The following MAVS variants were observed in gnomAD, a reference collection of about 807,000 sequenced individuals.
MAVS encodes mitochondrial antiviral-signaling protein.
A neutral mutation model predicts 30.2 loss-of-function variants in MAVS; 20 were observed. The observed-to-expected ratio is 0.66, with a 90% CI of 0.47 to 0.96. The LOEUF (loss-of-function observed/expected upper bound fraction) is 0.96, where lower values mean the gene tolerates loss of function less well. MAVS is among the 40% of genes least tolerant of loss of function. The probability of loss-of-function intolerance (pLI) is 0.00; values close to 1 mark genes in which losing one functional copy is unlikely to be tolerated. For missense variants in MAVS, 624 were observed against 701.1 expected (o/e 0.89, Z 1.24); for synonymous variants, 278 against 293.9 (o/e 0.95, Z 0.55).
In MAVS at chr20:3,866,190, G is replaced by A. The variant is rs779796036; in HGVS notation, c.*43G>A. The A allele has an allele frequency of 3.3e-6, 5 of 1,505,954 alleles. No individual in the cohort carries two copies. The highest frequency in any genetic ancestry group is 4.4e-6 in the Non-Finnish European group (5 of 1,126,532). The allele number at this position is 1,505,954 out of a possible 1,614,324, so 93.3% of individuals were successfully genotyped here. ...CCCACCACCCATCTGTTCCGTTCCT[G>A]CAGTACACCTGGCCCCTCTCCGAAG... On this transcript the variant is annotated 3_prime_UTR_variant, in exon 7 of 7. Coordinates refer to ENST00000428216, the MANE Select transcript of MAVS (RefSeq NM_020746.5).
At position 3,866,142 on chromosome 20, in the gene MAVS, C is replaced by T. The variant is rs768727689; in HGVS notation, c.1618C>T (p.His540Tyr). 1.3e-6 allele frequency: 2 copies of T among 1,583,220 alleles called. No homozygotes were observed. Among genetic ancestry groups the T allele is most frequent in the Non-Finnish European group, 1.7e-6 (2 of 1,167,254 alleles). Residue 540 changes from histidine to tyrosine, a missense_variant, in exon 7 of 7, where the codon CAC (histidine) becomes TAC (tyrosine). Transcript: ENST00000428216. Reference protein sequence around the residue: ...LLVVLYRRRLH With the variant: ...LLVVLYRRRLY ...GGTGGTGCTGTACCGGCGGCGTCTGCACTAGTGAAGCCCTGGGCTCTTCCC... is the reference window on the plus strand; with the variant it reads ...GGTGGTGCTGTACCGGCGGCGTCTGTACTAGTGAAGCCCTGGGCTCTTCCC...
At chr20:3,864,195 T>C in intron 5 of MAVS, 61 bp from the exon 6 acceptor site, 2 of 1,527,538 alleles carry the variant, frequency 1.3e-6, no homozygotes, top group Non-Finnish European at 1.8e-6. Context: ...GGGACCCTTC[T>C]CCAGGCCTCA....
chr20:3,850,880 C>T (rs376180832), intron 1 of MAVS, among the ~76,000 whole-genome samples: 1,575 of 133,244 alleles, frequency 0.012, 29 homozygotes, highest in African/African-American at 0.044. Context: ...AGCGAAACTC[C>T]GTCTCAAAAA....
At position 3,864,622 on chromosome 20, in the gene MAVS, A is replaced by G. The variant is rs752552262; in HGVS notation, c.992A>G (p.Lys331Arg). The change falls in exon 6 of 7, where the codon AAG (lysine) becomes AGG (arginine). Residue 331 changes from lysine to arginine, a missense_variant. Transcript: ENST00000428216. ...TVPSKLPTSS[K>R]PPGAVPSNAL... Reference sequence around the variant, plus strand: ...CCCTCCAAGTTGCCAACTAGCTCAAAGCCCCCTGGTGCAGTGCCTTCTAAT... The same window carrying G: ...CCCTCCAAGTTGCCAACTAGCTCAAGGCCCCCTGGTGCAGTGCCTTCTAAT... 8.1e-6 allele frequency: 13 copies of G among 1,614,182 alleles called. No homozygotes were observed. Among genetic ancestry groups the G allele is most frequent in the Non-Finnish European group, 1.0e-5 (12 of 1,180,026 alleles).
chr20:3,857,637 T>C lies in MAVS; in HGVS notation c.120T>C (p.Asp40=). Residue 40 remains aspartate (D), a splice_region_variant and synonymous_variant, in exon 3 of 7, where the codon GAT becomes GAC. Coordinates refer to ENST00000428216, the MANE Select transcript of MAVS (RefSeq NM_020746.5). ...GACAGTGGCATTGTGTCTTCCAGGA[T>C]CGACTGCGGGCCACCTGCACACTCT... ...YLPCLTARDQ[D]RLRATCTLSG... 1 of 1,609,490 alleles carries C rather than the reference T, an allele frequency of 6.2e-7. No homozygotes were observed. The highest frequency in any genetic ancestry group is 8.5e-7 in the Non-Finnish European group (1 of 1,177,070).
At chr20:3,848,211 G>A (rs992056823) in intron 1 of MAVS, among the ~76,000 whole-genome samples, 2 of 151,974 alleles carry the variant, frequency 1.3e-5, no homozygotes, top group Non-Finnish European at 2.9e-5. Context: ...AGATTCTCCT[G>A]CCTCAGCCTC....
intron 1 of MAVS, among the ~76,000 whole-genome samples, chr20:3,850,274 CAAAAAAAAAAAAA>C (rs71195864): frequency 2.2e-5 from 1 of 44,460 alleles, no homozygotes; most frequent in Non-Finnish European, 4.1e-5. Flanking sequence ...GAGACTGTCT[CAAAAAAAAAAAAA>C]AAAAAAAAAA....
rs903330317 is a variant in MAVS at position 3,856,867 on chromosome 20, C to T, written c.118-768C>T. Among the ~76,000 whole-genome samples, 5 of 151,994 alleles carry T rather than the reference C, an allele frequency of 3.3e-5. No individual in the cohort carries two copies. In the East Asian group the frequency reaches 7.8e-4, roughly 24 times the overall value. On this transcript the variant is annotated intron_variant, in intron 2 of 6. Coordinates refer to ENST00000428216, the MANE Select transcript of MAVS (RefSeq NM_020746.5). The stretch of plus-strand genomic sequence containing the variant: ...TGGCCAACATGGCGAAACCATGTCT[C>T]TACTAAAAATACAAAAAAATTAGCC...
chr20:3,853,177 T>C (rs1035070374), intron 1 of MAVS, among the ~76,000 whole-genome samples: 4 of 138,958 alleles, frequency 2.9e-5, no homozygotes, highest in Non-Finnish European at 6.2e-5. Flanking sequence ...AGTAATAAAA[T>C]AGGATGTTTA....
Position 3,864,795 on chromosome 20 carries a change from C to A in MAVS, c.1158+7C>A, listed in dbSNP as rs200561904. On this transcript the variant is annotated splice_region_variant and intron_variant, in intron 6 of 6. Coordinates refer to ENST00000428216, the MANE Select transcript of MAVS (RefSeq NM_020746.5). ...CGGGAGCAGCAGAAATGAGGTGAGT[C>A]CTCGCCCTTCCTGGCAGGGATCCTG... 2 of 1,609,468 alleles carry A rather than the reference C, an allele frequency of 1.2e-6. No homozygotes were observed. The highest frequency in any genetic ancestry group is 1.7e-6 in the Non-Finnish European group (2 of 1,177,232).
intron 5 of MAVS, 63 bp downstream of exon 5, chr20:3,862,476 G>C: frequency 6.6e-7 from 1 of 1,508,616 alleles, no homozygotes; most frequent in Admixed American, 2.1e-5. Flanking sequence ...AAGAATTAGA[G>C]TTGCCCCATC....
chr20:3,858,346 G>T (rs563513631), intron 3 of MAVS, among the ~76,000 whole-genome samples: 2 of 152,046 alleles, frequency 1.3e-5, no homozygotes, highest in Non-Finnish European at 2.9e-5. Flanking sequence ...GTGCTCGGAG[G>T]CGATTTGATG....
At chr20:3,863,021 C>A (rs6052130) in intron 5 of MAVS, among the ~76,000 whole-genome samples, 14,560 of 152,160 alleles carry the variant, frequency 0.096, 872 homozygotes, top group East Asian at 0.23. Context: ...TAAGTAGGGC[C>A]ATTTTTGCGC....
intron 2 of MAVS, 119 bp downstream of exon 2, chr20:3,854,860 C>A (rs2146761687): frequency 1.7e-6 from 1 of 599,952 alleles, no homozygotes; most frequent in Non-Finnish European, 2.9e-6. Flanking sequence ...CTTCCTCTTG[C>A]TGTGTCTTGC....
At position 3,870,317 on chromosome 20, in the gene MAVS, A is replaced by G. The variant is rs1461100326; in HGVS notation, c.*4170A>G. 1 of 152,366 alleles carries G rather than the reference A, an allele frequency of 6.6e-6. No homozygotes were observed. Among genetic ancestry groups the G allele is most frequent in the African/African-American group, 2.4e-5 (1 of 41,420 alleles). 9.4% of individuals were successfully genotyped at this position (152,366 alleles called of 1,614,324 possible). A position where few individuals can be genotyped will look rare whatever the true frequency, so the allele number is the denominator to read the frequency against. ...AGCCACCTGCAGCAATGGTATCTGCATATTAGCCCCTCTCCACCTTCTTTC... is the reference window on the plus strand; with the variant it reads ...AGCCACCTGCAGCAATGGTATCTGCGTATTAGCCCCTCTCCACCTTCTTTC... On this transcript the variant is annotated 3_prime_UTR_variant, in exon 7 of 7. Transcript: ENST00000428216.
At chr20:3,849,296 G>A (rs1568530837) in intron 1 of MAVS, among the ~76,000 whole-genome samples, 1 of 150,426 alleles carries the variant, frequency 6.6e-6, no homozygotes, top group Non-Finnish European at 1.5e-5. Flanking sequence ...TGCAACCTCT[G>A]CCTCCTGGGT....
rs1403970231 is a variant in MAVS, at chr20:3,866,446, A to G, written c.*299A>G. 1 of 453,942 alleles carries G rather than the reference A, an allele frequency of 2.2e-6. No individual in the cohort carries two copies. The highest frequency in any genetic ancestry group is 4.0e-6 in the Non-Finnish European group (1 of 253,120). The allele number at this position is 453,942 out of a possible 1,614,324, so 28.1% of individuals were successfully genotyped here. A position where few individuals can be genotyped will look rare whatever the true frequency, so the allele number is the denominator to read the frequency against. On this transcript the variant is annotated 3_prime_UTR_variant, in exon 7 of 7. Transcript: ENST00000428216. ...GGTTATCATCCATGTCCTCCAGAGG[A>G]GCTTCCTCCTCCAGGCCTCAGCCCT... is the stretch of plus-strand genomic sequence containing the variant.
Position 3,869,320 on chromosome 20 carries a change from CT to C in MAVS, c.*3174del, listed in dbSNP as rs2089935412. ...CCAGAGTAGCTGGGACTACAGGCGCCTGCCACCACGCCTGGCTAATTTTTTT... is the reference window on the plus strand; with the variant it reads ...CCAGAGTAGCTGGGACTACAGGCGCCGCCACCACGCCTGGCTAATTTTTTT... On this transcript the variant is annotated 3_prime_UTR_variant, in exon 7 of 7. Coordinates refer to ENST00000428216, the MANE Select transcript of MAVS (RefSeq NM_020746.5). The C allele has an allele frequency of 6.6e-6, 1 of 152,112 alleles. No individual in the cohort carries two copies. Among genetic ancestry groups the C allele is most frequent in the African/African-American group, 2.4e-5 (1 of 41,386 alleles). The allele number at this position is 152,112 out of a possible 1,614,324, so 9.4% of individuals were successfully genotyped here.
chr20:3,853,454 C>T (rs1056756695), intron 1 of MAVS, among the ~76,000 whole-genome samples: 7 of 150,338 alleles, frequency 4.7e-5, no homozygotes, highest in Non-Finnish European at 1.0e-4. Context: ...CCACCGCACT[C>T]CAGCCTGGGC....
Sources: allele counts gnomAD v4.1 joint callset (sites outside exome capture counted in the v4.1 genomes callset), GRCh38; gene constraint gnomAD v4.1.1; transcripts MANE v1.5; gene names NCBI Gene and HGNC (gene_info 2026-07-23, HGNC 2026-07-21).